Variants in MELK observed in about 807,000 individuals in gnomAD.
MELK encodes maternal embryonic leucine zipper kinase.
MELK carries 81 observed loss-of-function variants against 85.0 expected under a neutral mutation model. The observed-to-expected ratio is 0.95, with a 90% CI of 0.80 to 1.15. The LOEUF is 1.15. Among genes scored for constraint, MELK ranks in the 50% most tolerant of loss-of-function variants. MELK has a pLI of 0.00. For synonymous variants in MELK, 252 were observed against 265.0 expected, an observed-to-expected ratio of 0.95 and a Z score of 0.48; for missense variants, 754 against 777.5, an observed-to-expected ratio of 0.97 and a Z score of 0.36.
rs761667376 is a variant in MELK at position 36,665,574 on chromosome 9, C to T, written c.1401C>T (p.Pro467=). ...ILTTPNRYTT[P]SKARNQCLKE... is the part of the protein sequence containing the mutation. ...CTACGCCAAATCGTTACACTACACC[C>T]TCAAAAGGTATTTGCTAAGTGAATT... is the stretch of plus-strand genomic sequence containing the variant. Residue 467 remains proline, a synonymous_variant, in exon 14 of 18, where the codon CCC becomes CCT. Coordinates refer to ENST00000298048, the MANE Select transcript of MELK (RefSeq NM_014791.4). 3 of 1,606,536 alleles carry T rather than the reference C, an allele frequency of 1.9e-6. No individual in the cohort carries two copies. In the South Asian group the frequency reaches 3.3e-5, roughly 18 times the overall value.
At chr9:36,589,217 C>G (rs533734099) in intron 3 of MELK, among the ~76,000 whole-genome samples, 1 of 151,760 alleles carries the variant, frequency 6.6e-6, no homozygotes, top group African/African-American at 2.4e-5. Flanking sequence ...GGCGCAATCT[C>G]GGCTCACTCC....
chr9:36,626,814 C>T (rs1827970823), intron 8 of MELK, among the ~76,000 whole-genome samples: 1 of 151,742 alleles, frequency 6.6e-6, no homozygotes, highest in Admixed American at 6.6e-5. Context: ...AAAAAATTAG[C>T]TGGGGGTGGT....
intron 4 of MELK, among the ~76,000 whole-genome samples, chr9:36,591,903 G>T (rs954137288): frequency 2.0e-5 from 3 of 152,098 alleles, no homozygotes; most frequent in African/African-American, 7.2e-5. Context: ...TCCAGCCTTG[G>T]CAACAGAGTG....
chr9:36,669,191 A>G, intron 14 of MELK, 119 bp from the exon 15 acceptor site: 3 of 516,996 alleles, frequency 5.8e-6, no homozygotes, highest in Non-Finnish European at 9.6e-6. Flanking sequence ...TCACAGGTCA[A>G]GTGATTATAC....
At chr9:36,652,449 A>G (rs930288050) in intron 12 of MELK, among the ~76,000 whole-genome samples, 4 of 150,860 alleles carry the variant, frequency 2.7e-5, no homozygotes, top group African/African-American at 9.7e-5. Context: ...TGTTTAAGCC[A>G]GGCCGGGTGT....
chr9:36,580,363 G>A (rs530630600), intron 1 of MELK, among the ~76,000 whole-genome samples: 12 of 150,436 alleles, frequency 8.0e-5, no homozygotes, highest in South Asian at 2.1e-4. Context: ...CTTGTTGCCC[G>A]GGCTGGAGTG....
chr9:36,611,852 AC>A (rs1448339038), intron 8 of MELK, among the ~76,000 whole-genome samples: 1 of 150,826 alleles, frequency 6.6e-6, no homozygotes, highest in Non-Finnish European at 1.5e-5. Context: ...GGCTCACTGC[AC>A]CCTCCACCTC....
intron 8 of MELK, among the ~76,000 whole-genome samples, chr9:36,615,540 C>G (rs1246651418): frequency 1.5e-5 from 2 of 135,224 alleles, no homozygotes; most frequent in African/African-American, 3.3e-5. Context: ...CGGGCGGAGA[C>G]GCTCCTCACT....
At chr9:36,617,022 G>A (rs879386969) in intron 8 of MELK, among the ~76,000 whole-genome samples, 2 of 152,058 alleles carry the variant, frequency 1.3e-5, no homozygotes, top group African/African-American at 2.4e-5. Flanking sequence ...TAGGTTAATG[G>A]ACATTTAAGT....
intron 17 of MELK, among the ~76,000 whole-genome samples, chr9:36,676,389 CA>C (rs1833348369): frequency 6.6e-6 from 1 of 152,060 alleles, no homozygotes; most frequent in African/African-American, 2.4e-5. Flanking sequence ...GTAAGACAAA[CA>C]AAACTCTAAA....
chr9:36,615,203 C>T (rs1196783027), intron 8 of MELK, among the ~76,000 whole-genome samples: 2 of 142,024 alleles, frequency 1.4e-5, no homozygotes, highest in African/African-American at 5.4e-5. Context: ...GGGGGCTGAC[C>T]CCCCCACCTC....
At chr9:36,588,448 C>T (rs1473137905) in intron 3 of MELK, among the ~76,000 whole-genome samples, 6 of 147,240 alleles carry the variant, frequency 4.1e-5, no homozygotes, top group Admixed American at 6.8e-5. Context: ...GGCATGATCT[C>T]GGCTCACCGC....
chr9:36,653,168 AC>A (rs1444662523), intron 12 of MELK, among the ~76,000 whole-genome samples: 1 of 152,096 alleles, frequency 6.6e-6, no homozygotes, highest in African/African-American at 2.4e-5. Context: ...ATTTTTTGAA[AC>A]AAAGTCTTGC....
intron 11 of MELK, among the ~76,000 whole-genome samples, chr9:36,649,485 G>A (rs1830500830): frequency 6.6e-6 from 1 of 150,716 alleles, no homozygotes; most frequent in Non-Finnish European, 1.5e-5. Context: ...AAGTAGAACA[G>A]CTAGGCACGG....
At chr9:36,627,758 C>T (rs567148557) in intron 8 of MELK, among the ~76,000 whole-genome samples, 4 of 151,816 alleles carry the variant, frequency 2.6e-5, no homozygotes, top group Non-Finnish European at 4.4e-5. Context: ...AACTTCCGAC[C>T]TCAGGTGATC....
chr9:36,646,306 C>T lies in MELK; in HGVS notation c.921+3223C>T, dbSNP rs550620455. ...ATGTTTTTCTGTGACATCCTGAGAG[C>T]TCTGCCTTCACTTTTGGGGCTGATT... is the stretch of plus-strand genomic sequence containing the variant. On this transcript the variant is annotated intron_variant, in intron 11 of 17. Coordinates refer to ENST00000298048, the MANE Select transcript of MELK (RefSeq NM_014791.4). 2.6e-5 allele frequency among the ~76,000 whole-genome samples: 4 copies of T among 152,276 alleles called. No individual in the cohort carries two copies. In the South Asian group the frequency reaches 8.3e-4, roughly 32 times the overall value.
intron 4 of MELK, among the ~76,000 whole-genome samples, chr9:36,591,728 C>T (rs952640059): frequency 1.3e-5 from 2 of 151,956 alleles, no homozygotes; most frequent in East Asian, 1.9e-4. Context: ...CTAAGGAGTT[C>T]GGGACTAGCT....
intron 8 of MELK, among the ~76,000 whole-genome samples, chr9:36,615,956 G>A (rs1444700395): frequency 2.3e-4 from 35 of 152,088 alleles, no homozygotes; most frequent in African/African-American, 7.5e-4. Context: ...ACGGGGTGGC[G>A]GCCAGGCAGA....
chr9:36,650,337 A>G (rs554759695), intron 11 of MELK, among the ~76,000 whole-genome samples: 1 of 152,366 alleles, frequency 6.6e-6, no homozygotes, highest in South Asian at 2.1e-4. Context: ...AAGAATGAAG[A>G]GGCCTAACCT....
Sources: allele counts gnomAD v4.1 joint callset (sites outside exome capture counted in the v4.1 genomes callset), GRCh38; gene constraint gnomAD v4.1.1; transcripts MANE v1.5; gene names NCBI Gene and HGNC (gene_info 2026-07-23, HGNC 2026-07-21).